The following PTPN1 variants were observed in gnomAD, a reference collection of about 807,000 sequenced individuals.
PTPN1 encodes the protein tyrosine-protein phosphatase non-receptor type 1.
Under a neutral mutation model 59.9 loss-of-function variants are expected in PTPN1, and 12 were observed. That is an observed-to-expected ratio of 0.20 (90% CI 0.13 to 0.32). The LOEUF is 0.32. PTPN1 is among the 10% of genes least tolerant of loss of function. The probability of loss-of-function intolerance (pLI) is 1.00; values close to 1 mark genes in which losing one functional copy is unlikely to be tolerated. For missense variants in PTPN1, 356 were observed against 549.2 expected, an observed-to-expected ratio of 0.65 and a Z score of 3.52; for synonymous variants, 178 against 203.6, an observed-to-expected ratio of 0.87 and a Z score of 1.07.
chr20:50,566,568 C>T (rs766124220), intron 3 of PTPN1, among the ~76,000 whole-genome samples: 26 of 152,216 alleles, frequency 1.7e-4, no homozygotes, highest in Non-Finnish European at 3.1e-4. Context: ...GACACTATGA[C>T]CGAAACATTT....
chr20:50,539,926 C>T (rs1486938060), intron 1 of PTPN1, among the ~76,000 whole-genome samples: 2 of 151,344 alleles, frequency 1.3e-5, no homozygotes, highest in African/African-American at 4.9e-5. Context: ...TAGAGTTTTC[C>T]GTTTTTCGTC....
chr20:50,526,985 T>C (rs1196001236), intron 1 of PTPN1, among the ~76,000 whole-genome samples: 1 of 152,198 alleles, frequency 6.6e-6, no homozygotes, highest in African/African-American at 2.4e-5. Context: ...CCATCAGATC[T>C]AAAGCTTACC....
chr20:50,567,669 T>C (rs1216937361), intron 3 of PTPN1, among the ~76,000 whole-genome samples: 1 of 152,162 alleles, frequency 6.6e-6, no homozygotes, highest in African/African-American at 2.4e-5. Flanking sequence ...GCAGACACCC[T>C]CATGCCCCAG....
chr20:50,582,362 C>T lies in PTPN1; in HGVS notation c.1285-330C>T, dbSNP rs1467585797. Among the ~76,000 whole-genome samples the T allele has an allele frequency of 3.3e-5, 5 of 152,218 alleles. No homozygotes were observed. The highest frequency in any genetic ancestry group is 1.9e-4 in the East Asian group (1 of 5,198). On this transcript the variant is annotated intron_variant, in intron 9 of 9. Coordinates refer to ENST00000371621, the MANE Select transcript of PTPN1 (RefSeq NM_002827.4). This position sits in a 1 kb window ranked among gnomAD's most constrained non-coding sequence, Gnocchi z 4.2. ...TTTCAGCAGAAATTCACACGTTAGACGTGTGTTGCTGTTAAGTAAGGGGAA... is the reference window on the plus strand; with the variant it reads ...TTTCAGCAGAAATTCACACGTTAGATGTGTGTTGCTGTTAAGTAAGGGGAA...
chr20:50,542,928 A>G (rs1455356155), intron 1 of PTPN1, among the ~76,000 whole-genome samples: 1 of 152,174 alleles, frequency 6.6e-6, no homozygotes, highest in Non-Finnish European at 1.5e-5. Context: ...TTAAAATCCC[A>G]TTTTACTAAA....
chr20:50,541,408 G>A (rs1478537620), intron 1 of PTPN1, among the ~76,000 whole-genome samples: 2 of 152,168 alleles, frequency 1.3e-5, no homozygotes, highest in African/African-American at 4.8e-5. Flanking sequence ...CTGCATAATT[G>A]TGCTGTGCTG....
intron 1 of PTPN1, among the ~76,000 whole-genome samples, chr20:50,545,591 C>T (rs911539805): frequency 3.9e-5 from 6 of 152,154 alleles, no homozygotes; most frequent in African/African-American, 1.2e-4. Flanking sequence ...CGTGGTTTTA[C>T]GTGTACAGCC....
chr20:50,564,997 A>G lies in PTPN1; in HGVS notation c.183A>G (p.Gln61=). The change falls in exon 3 of 10, where the codon CAA becomes CAG. Residue 61 remains glutamine, a synonymous_variant. Coordinates refer to ENST00000371621, the MANE Select transcript of PTPN1 (RefSeq NM_002827.4). The part of the protein sequence containing the change: ...PFDHSRIKLH[Q]EDNDYINASL... ...ACCATAGTCGGATTAAACTACATCA[A>G]GAAGATAATGACTATATCAACGCTA... 2 of 1,613,446 alleles carry G rather than the reference A, an allele frequency of 1.2e-6. No individual in the cohort carries two copies. The highest frequency in any genetic ancestry group is 1.1e-5 in the South Asian group (1 of 90,984).
chr20:50,548,085 C>T (rs1310098619), intron 1 of PTPN1, among the ~76,000 whole-genome samples: 1 of 152,116 alleles, frequency 6.6e-6, no homozygotes, highest in Non-Finnish European at 1.5e-5. Context: ...TGTCTCAGTG[C>T]TGCTTATTTT....
intron 1 of PTPN1, among the ~76,000 whole-genome samples, chr20:50,538,399 G>GGGGCTATACAAGCAC (rs777008964): frequency 2.0e-5 from 3 of 152,178 alleles, no homozygotes; most frequent in Non-Finnish European, 4.4e-5. Flanking sequence ...AAACGGCCAA[G>GGGGCTATACAAGCAC]GGGCTATACA....
chr20:50,558,160 A>G (rs1476286297), intron 1 of PTPN1, among the ~76,000 whole-genome samples: 1 of 152,016 alleles, frequency 6.6e-6, no homozygotes, highest in African/African-American at 2.4e-5. Context: ...TTTAATTTGC[A>G]TAATTTTCTT....
chr20:50,512,899 G>A (rs1210100775), intron 1 of PTPN1, among the ~76,000 whole-genome samples: 1 of 152,180 alleles, frequency 6.6e-6, no homozygotes, highest in Non-Finnish European at 1.5e-5. Context: ...TTTATAGCAT[G>A]TTGAAATGAG....
intron 1 of PTPN1, among the ~76,000 whole-genome samples, chr20:50,550,636 T>C (rs1002548675): frequency 2.0e-5 from 3 of 152,254 alleles, no homozygotes; most frequent in Non-Finnish European, 4.4e-5. Context: ...GTTGGTATAT[T>C]GTTAAGGACA....
chr20:50,536,029 A>T (rs530022157), intron 1 of PTPN1, among the ~76,000 whole-genome samples: 3 of 152,334 alleles, frequency 2.0e-5, no homozygotes, highest in African/African-American at 7.2e-5. Context: ...GATGCTGGCA[A>T]TTTAAGGTAT....
Position 50,548,356 on chromosome 20 carries a change from T to G in PTPN1, c.64-13007T>G, listed in dbSNP as rs1223560731. On this transcript the variant is annotated intron_variant, in intron 1 of 9. Coordinates refer to ENST00000371621, the MANE Select transcript of PTPN1 (RefSeq NM_002827.4). ...TGGTTTTACTTCTTCCTGTTTTTATTCATAACATCTTTTTTATACACGATT... is the reference window on the plus strand; with the variant it reads ...TGGTTTTACTTCTTCCTGTTTTTATGCATAACATCTTTTTTATACACGATT... Among the ~76,000 whole-genome samples, 6 of 152,336 alleles carry G rather than the reference T, an allele frequency of 3.9e-5. No homozygotes were observed. In the East Asian group the frequency reaches 1.2e-3, roughly 29 times the overall value.
chr20:50,563,590 G>T (rs1278398499), intron 2 of PTPN1, among the ~76,000 whole-genome samples: 1 of 152,102 alleles, frequency 6.6e-6, no homozygotes, highest in African/African-American at 2.4e-5. Flanking sequence ...ATCTTTATTT[G>T]TACTAAGCCT....
At chr20:50,554,380 A>ACTCTCTCTCTCTCTCTCTCTCTC in intron 1 of PTPN1, among the ~76,000 whole-genome samples, 1 of 140,198 alleles carries the variant, frequency 7.1e-6, no homozygotes, top group Non-Finnish European at 1.5e-5. Context: ...GCAAGACCAC[A>ACTCTCTCTCTCTCTCTCTCTCTC]TCTCTCTCTC....
rs186921027 is a variant in PTPN1 at position 50,574,344 on chromosome 20, G to T, written c.355-173G>T. On this transcript the variant is annotated intron_variant, in intron 4 of 9. Transcript: ENST00000371621. Reference sequence around the variant, plus strand: ...AACCTGCCCCGGTCAGCAGCTTCGTGCCCCCACCCCCATCTCCCCATGAGG... The same window carrying T: ...AACCTGCCCCGGTCAGCAGCTTCGTTCCCCCACCCCCATCTCCCCATGAGG... 12 of 623,224 alleles carry T rather than the reference G, an allele frequency of 1.9e-5. No homozygotes were observed. The East Asian group carries it at 3.8e-4, about 19-fold the overall frequency. The allele number at this position is 623,224 out of a possible 1,614,324, so 38.6% of individuals were successfully genotyped here.
chr20:50,546,026 A>C (rs967930455), intron 1 of PTPN1, among the ~76,000 whole-genome samples: 2 of 152,060 alleles, frequency 1.3e-5, no homozygotes, highest in African/African-American at 4.8e-5. Flanking sequence ...TGACAGAGCG[A>C]GACAGGTCCT....
Sources: allele counts gnomAD v4.1 joint callset (sites outside exome capture counted in the v4.1 genomes callset), GRCh38; gene constraint gnomAD v4.1.1; non-coding constraint Gnocchi (gnomAD v3.1); transcripts MANE v1.5; gene names NCBI Gene and HGNC (gene_info 2026-07-23, HGNC 2026-07-21).